The following APC2 variants were observed in gnomAD, a reference collection of about 807,000 sequenced individuals.
APC2 encodes APC regulator of Wnt signaling pathway 2.
A neutral mutation model predicts 72.5 loss-of-function variants in APC2; 41 were observed. The observed-to-expected ratio is 0.57, with a 90% confidence interval of 0.44 to 0.73. The LOEUF (loss-of-function observed/expected upper bound fraction) is 0.73, where lower values mean the gene tolerates loss of function less well. APC2 is among the 30% of genes least tolerant of loss of function. APC2 has a pLI of 0.00. For synonymous variants in APC2, 1,898 were observed against 1,612.0 expected, an observed-to-expected ratio of 1.18 and a Z score of -4.25; for missense variants, 3,729 against 3,403.4, an observed-to-expected ratio of 1.10 and a Z score of -2.38.
chr19:1,460,081 TG>T (rs2083898729), intron 10 of APC2, 99 bp from the exon 11 acceptor site: 1 of 1,514,248 alleles, frequency 6.6e-7, no homozygotes, highest in Non-Finnish European at 9.0e-7. Flanking sequence ...AGGGCAGGTC[TG>T]GGGCATAGGG....
chr19:1,455,503 G>T lies in APC2; in HGVS notation c.639+3G>T. ...ACGAGATGGTGCAGCGGGCACAGGT[G>T]CGGCGGTGGGCGGGGTGGCGCGGCG... is the stretch of plus-strand genomic sequence containing the variant. On this transcript the variant is annotated splice_donor_region_variant and intron_variant, in intron 6 of 14. Coordinates refer to ENST00000590469, the MANE Select transcript of APC2 (RefSeq NM_005883.3). 6.3e-7 allele frequency: 1 copy of T among 1,596,872 alleles called. No individual in the cohort carries two copies. The highest frequency in any genetic ancestry group is 8.5e-7 in the Non-Finnish European group (1 of 1,171,742).
rs778278037 is a variant in APC2 at position 1,458,040 on chromosome 19, G to A, written c.1283G>A (p.Arg428His). The A allele has an allele frequency of 1.6e-5, 25 of 1,564,190 alleles. No individual in the cohort carries two copies. The highest frequency in any genetic ancestry group is 2.3e-5 in the East Asian group (1 of 43,012). ...AAGCTGTCCTTTGATGAGGAGTACCGCCGTGCCATGAACGAGCTAGGTGAG... is the reference window on the plus strand; with the variant it reads ...AAGCTGTCCTTTGATGAGGAGTACCACCGTGCCATGAACGAGCTAGGTGAG... ...VMKLSFDEEY[R>H]RAMNELGGLQ... is the part of the protein sequence containing the mutation. The change falls in exon 10 of 15, where the codon CGC becomes CAC. Residue 428 changes from arginine (R) to histidine (H), a missense_variant. Arg to His is a conservative substitution (Grantham distance 29). Coordinates refer to ENST00000590469, the MANE Select transcript of APC2 (RefSeq NM_005883.3).
intron 4 of APC2, 52 bp from the exon 5 acceptor site, chr19:1,455,096 TA>T: frequency 8.6e-7 from 1 of 1,159,628 alleles, no homozygotes; most frequent in Non-Finnish European, 1.2e-6. Flanking sequence ...AATATCAAAA[TA>T]AACACACACG....
upstream of APC2, among the ~76,000 whole-genome samples, chr19:1,447,380 G>C (rs537385527): frequency 1.3e-5 from 2 of 152,218 alleles, no homozygotes; most frequent in African/African-American, 4.8e-5. Context: ...GCCAGGCTGC[G>C]GACTTGCGGG....
chr19:1,470,083 A>C lies in APC2; in HGVS notation c.6782A>C (p.His2261Pro). Residue 2261 changes from histidine to proline, a missense_variant, in exon 15 of 15, where the codon CAC (histidine) becomes CCC (proline). By Grantham distance (77) the His-to-Pro change is moderately conservative (BLOSUM62 -2). Coordinates refer to ENST00000590469, the MANE Select transcript of APC2 (RefSeq NM_005883.3). Reference protein sequence around the residue: ...VAVGGFPASRHGSPSRSARVP... With the variant: ...VAVGGFPASRPGSPSRSARVP... ...GTGGGGGGCTTCCCCGCCAGCCGGC[A>C]CGGCTCCCCCAGCCGCTCGGCCCGA... The C allele has an allele frequency of 6.2e-7, 1 of 1,602,210 alleles. No individual in the cohort carries two copies. Among genetic ancestry groups the C allele is most frequent in the Non-Finnish European group, 8.5e-7 (1 of 1,177,038 alleles).
At position 1,453,518 on chromosome 19, in the gene APC2, G is replaced by A; in HGVS notation, c.320G>A (p.Gly107Asp). 2 of 1,610,718 alleles carry A rather than the reference G, an allele frequency of 1.2e-6. No homozygotes were observed. Among genetic ancestry groups the A allele is most frequent in the Non-Finnish European group, 8.5e-7 (1 of 1,178,736 alleles). Residue 107 changes from glycine (G) to aspartate (D), a missense_variant, in exon 4 of 15, where the codon GGC becomes GAC. By Grantham distance (94) the Gly-to-Asp change is moderately conservative. Coordinates refer to ENST00000590469, the MANE Select transcript of APC2 (RefSeq NM_005883.3). ...GAGCCTGCCGCCCGGACCCCCGAGG[G>A]CAGCCCAGTACACGGCTCCGGGCCC... The part of the protein sequence containing the change: ...GPEPAARTPE[G>D]SPVHGSGPSK...
In APC2 at chr19:1,460,269, C is replaced by T. The variant is rs142505094; in HGVS notation, c.1392C>T (p.Arg464=). 1.0e-4 allele frequency: 169 copies of T among 1,613,428 alleles called. No homozygotes were observed. The highest frequency in any genetic ancestry group is 1.4e-4 in the Non-Finnish European group (165 of 1,180,020). Residue 464 remains arginine (R), a synonymous_variant, in exon 11 of 15, where the codon CGC becomes CGT. Coordinates refer to ENST00000590469, the MANE Select transcript of APC2 (RefSeq NM_005883.3). ...ACCCGCTGAACCTGGCGCTGCGCCG[C>T]TACGCGGGCATGACCCTCACCAACC... ...TRDPLNLALR[R]YAGMTLTNLT...
At chr19:1,453,935 G>C in intron 4 of APC2, among the ~76,000 whole-genome samples, 1 of 152,206 alleles carries the variant, frequency 6.6e-6, no homozygotes, top group Non-Finnish European at 1.5e-5. Context: ...GGCTGTGTCC[G>C]GTGCCAGGGC....
chr19:1,470,479 T>G lies in APC2; in HGVS notation c.*266T>G. 2.1e-6 allele frequency: 1 copy of G among 475,254 alleles called. No individual in the cohort carries two copies. Among genetic ancestry groups the G allele is most frequent in the South Asian group, 3.2e-5 (1 of 31,522 alleles). 29.4% of individuals were successfully genotyped at this position (475,254 alleles called of 1,614,324 possible). ...CCGTGGAGCGCTGGCAAGGGCGTCC[T>G]GGCCCAGCCCTGAGCGCGCGGCCCT... On this transcript the variant is annotated 3_prime_UTR_variant, in exon 15 of 15. Coordinates refer to ENST00000590469, the MANE Select transcript of APC2 (RefSeq NM_005883.3).
At chr19:1,464,269 A>G (rs1197114755) in intron 14 of APC2, among the ~76,000 whole-genome samples, 1 of 152,184 alleles carries the variant, frequency 6.6e-6, no homozygotes, top group Non-Finnish European at 1.5e-5. Flanking sequence ...AGATCATGCC[A>G]CTGCACTCCA....
upstream of APC2, among the ~76,000 whole-genome samples, chr19:1,449,934 C>T (rs1200953995): frequency 6.6e-6 from 1 of 152,178 alleles, no homozygotes; most frequent in African/African-American, 2.4e-5. Flanking sequence ...GGGGCACCCC[C>T]TTCCCTCGGG....
intron 12 of APC2, 88 bp downstream of exon 12, chr19:1,460,945 G>A: frequency 6.3e-7 from 1 of 1,591,998 alleles, no homozygotes; most frequent in Non-Finnish European, 8.6e-7. Context: ...TGGCAGGGGT[G>A]TCCCGTCCGA....
In APC2 at chr19:1,468,316, C is replaced by T; in HGVS notation, c.5015C>T (p.Ala1672Val). Reference sequence around the variant, plus strand: ...GGGTCCCGGGAACGCGGCGAGGAGGCAGCGGGCTCGGACCGGGCCTCCGAC... The same window carrying T: ...GGGTCCCGGGAACGCGGCGAGGAGGTAGCGGGCTCGGACCGGGCCTCCGAC... ...AEGSRERGEE[A>V]AGSDRASDLD... The change falls in exon 15 of 15, where the codon GCA (alanine) becomes GTA (valine). Residue 1672 changes from alanine to valine, a missense_variant. Transcript: ENST00000590469. 6.5e-7 allele frequency: 1 copy of T among 1,549,486 alleles called. No homozygotes were observed. The highest frequency in any genetic ancestry group is 8.7e-7 in the Non-Finnish European group (1 of 1,148,166).
chr19:1,462,986 T>C (rs2083951812), intron 14 of APC2, among the ~76,000 whole-genome samples: 1 of 125,542 alleles, frequency 8.0e-6, no homozygotes, highest in African/African-American at 3.1e-5. Context: ...AAAAAAAAAA[T>C]TACTTCAGGC....
Position 1,470,379 on chromosome 19 carries a change from C to A in APC2, c.*166C>A, listed in dbSNP as rs181314906. ...CGCCCAGCGCACGGCGACCTCGCGC[C>A]TCACCGGAAGACCTTGCCTCTGTGC... On this transcript the variant is annotated 3_prime_UTR_variant, in exon 15 of 15. Transcript: ENST00000590469. 850 of 1,051,568 alleles carry A rather than the reference C, an allele frequency of 8.1e-4. 7 individuals are homozygous for A. The African/African-American group carries it at 0.013, about 16-fold the overall frequency. 65.1% of individuals were successfully genotyped at this position (1,051,568 alleles called of 1,614,324 possible).
At chr19:1,450,545 C>T (rs1410762032) in intron 1 of APC2, among the ~76,000 whole-genome samples, 2 of 152,206 alleles carry the variant, frequency 1.3e-5, no homozygotes, top group Non-Finnish European at 2.9e-5. Context: ...ACGGGCTTCA[C>T]CATCCGGACC....
chr19:1,459,207 C>T (rs2083886488), intron 10 of APC2, among the ~76,000 whole-genome samples: 1 of 152,118 alleles, frequency 6.6e-6, no homozygotes, highest in African/African-American at 2.4e-5. Flanking sequence ...GTTTCAGAGC[C>T]TCATTCCTTT....
chr19:1,469,629 A>T lies in APC2; in HGVS notation c.6328A>T (p.Arg2110Trp). Residue 2110 changes from arginine (R) to tryptophan (W), a missense_variant, in exon 15 of 15, where the codon AGG (arginine) becomes TGG (tryptophan). Transcript: ENST00000590469. ...GCTGCCGCACATCAGCGTGGCCCGC[A>T]GGCCCGACGGCGCCGTCCCCGCGGC... Reference protein sequence around the residue: ...ASLPHISVARRPDGAVPAAPA... With the variant: ...ASLPHISVARWPDGAVPAAPA... 8.1e-7 allele frequency: 1 copy of T among 1,234,046 alleles called. No individual in the cohort carries two copies. Among genetic ancestry groups the T allele is most frequent in the Non-Finnish European group, 1.0e-6 (1 of 986,204 alleles). The allele number at this position is 1,234,046 out of a possible 1,614,324, so 76.4% of individuals were successfully genotyped here.
rs368274188 is a variant in APC2 at position 1,460,249 on chromosome 19, C to A, written c.1372C>A (p.Leu458Met). Reference protein sequence around the residue: ...YEMHKMTRDPLNLALRRYAGM... With the variant: ...YEMHKMTRDPMNLALRRYAGM... ...GATGCACAAGATGACCCGGGACCCG[C>A]TGAACCTGGCGCTGCGCCGCTACGC... The change falls in exon 11 of 15, where the codon CTG (leucine) becomes ATG (methionine). Residue 458 changes from leucine (L) to methionine (M), a missense_variant. Physicochemically the swap from Leu to Met is conservative, Grantham distance 15 (BLOSUM62 2). Coordinates refer to ENST00000590469, the MANE Select transcript of APC2 (RefSeq NM_005883.3). 30 of 1,613,466 alleles carry A rather than the reference C, an allele frequency of 1.9e-5. No individual in the cohort carries two copies. The highest frequency in any genetic ancestry group is 2.5e-5 in the Non-Finnish European group (29 of 1,180,030).
Sources: gnomAD v4.1 joint callset for allele counts (sites outside exome capture counted in the v4.1 genomes callset) on GRCh38, gnomAD v4.1.1 for gene constraint, MANE v1.5 for transcripts, NCBI Gene and HGNC (gene_info 2026-07-23, HGNC 2026-07-21) for gene names.